Variants in FAT2 observed in about 807,000 individuals in gnomAD.
FAT2 encodes protocadherin Fat 2.
Under a neutral mutation model 295.3 loss-of-function variants are expected in FAT2, and 150 were observed. The observed-to-expected ratio is 0.51, with a 90% CI of 0.44 to 0.58. The LOEUF (loss-of-function observed/expected upper bound fraction) is 0.58, where lower values mean the gene tolerates loss of function less well. Ranked by LOEUF, FAT2 falls within the 20% of genes least tolerant of loss-of-function variation. The pLI is 0.00. For synonymous variants in FAT2, 2,026 were observed against 2,150.3 expected, an observed-to-expected ratio of 0.94 and a Z score of 1.60; for missense variants, 4,868 against 5,442.7, an observed-to-expected ratio of 0.89 and a Z score of 3.32.
chr5:151,538,648 A>G (rs1485052644), intron 11 of FAT2, among the ~76,000 whole-genome samples: 2 of 152,170 alleles, frequency 1.3e-5, no homozygotes, highest in South Asian at 2.1e-4. Flanking sequence ...ATGGACCCCT[A>G]CATGCCCTGG....
chr5:151,505,925 CA>C lies in FAT2; in HGVS notation c.12689del (p.Leu4230ArgfsTer22). On this transcript the variant is annotated frameshift_variant, in exon 24 of 24. Coordinates refer to ENST00000261800, the MANE Select transcript of FAT2 (RefSeq NM_001447.3). LOFTEE classifies it high-confidence loss of function. Reference protein sequence around the residue: ...NGLYGGFPFPLEMENKRAPLP... With the variant: ...NGLYGGFPFPXEMENKRAPLP... ...GAGGTGCCCGCTTGTTTTCCATCTC[CA>C]GGGGGAAGGGGAAGCCCCCATAGAG... The C allele has an allele frequency of 6.3e-7, 1 of 1,586,896 alleles. No homozygotes were observed. The highest frequency in any genetic ancestry group is 8.6e-7 in the Non-Finnish European group (1 of 1,168,758).
chr5:151,542,250 T>C (rs1756223948), intron 10 of FAT2, 35 bp downstream of exon 10: 2 of 1,535,934 alleles, frequency 1.3e-6, no homozygotes, highest in East Asian at 4.5e-5. Flanking sequence ...TTTCGATACA[T>C]TCCAGAGCCT....
At chr5:151,546,358 A>G (rs529279403) in intron 9 of FAT2, 21 bp from the exon 10 acceptor site, 1 of 1,591,926 alleles carries the variant, frequency 6.3e-7, no homozygotes, top group Admixed American at 1.7e-5. Flanking sequence ...AGACAAGACA[A>G]ACAAGTTTGC....
intron 11 of FAT2, among the ~76,000 whole-genome samples, chr5:151,539,665 C>T (rs1755898404): frequency 6.6e-6 from 1 of 152,278 alleles, no homozygotes; most frequent in Middle Eastern, 3.4e-3. Flanking sequence ...TATCTATAAA[C>T]TTTGAAAGAA....
chr5:151,558,018 T>C (rs1757851043), intron 3 of FAT2, among the ~76,000 whole-genome samples: 1 of 152,212 alleles, frequency 6.6e-6, no homozygotes, highest in African/African-American at 2.4e-5. Flanking sequence ...CCCAACCTTA[T>C]TTCAACCCCA....
chr5:151,517,753 C>G lies in FAT2; in HGVS notation c.11330G>C (p.Arg3777Thr). ...RSCSCNGTAT[R>T]FSGQSYVRYR... ...CCGCACATAGCTCTGACCACTGAAC[C>G]TTGTAGCAGTACCTGAGAAAGCAAC... Residue 3777 changes from arginine (R) to threonine (T), a missense_variant, in exon 20 of 24, where the codon AGG becomes ACG. Physicochemically the swap from Arg to Thr is moderately conservative, Grantham distance 71. Around this residue, in one of 5 missense-constraint regions of FAT2, gnomAD observed 1,046 missense variants for 1,210.1 expected, o/e 0.86. Transcript: ENST00000261800. 1 of 1,614,172 alleles carries G rather than the reference C, an allele frequency of 6.2e-7. No individual in the cohort carries two copies. Among genetic ancestry groups the G allele is most frequent in the Non-Finnish European group, 8.5e-7 (1 of 1,180,002 alleles).
rs767480643 is a variant in FAT2 at position 151,546,214 on chromosome 5, G to A, written c.4913C>T (p.Pro1638Leu). The change falls in exon 10 of 24, where the codon CCA becomes CTA. Residue 1638 changes from proline (P) to leucine (L), a missense_variant. Around this residue, in one of 5 missense-constraint regions of FAT2, gnomAD observed 3,297 missense variants for 3,669.4 expected, o/e 0.90. Coordinates refer to ENST00000261800, the MANE Select transcript of FAT2 (RefSeq NM_001447.3). Reference protein sequence around the residue: ...LTVKAEDQGSPQWHDLATVII... With the variant: ...LTVKAEDQGSLQWHDLATVII... ...CACTGTAGCCAGGTCATGCCATTGT[G>A]GGGAGCCTTGATCTTCTGCCTTCAC... is the stretch of plus-strand genomic sequence containing the variant. 8.0e-5 allele frequency: 129 copies of A among 1,614,132 alleles called. 1 individual carries two copies. In the South Asian group the frequency reaches 1.4e-3, roughly 17 times the overall value.
At position 151,522,049 on chromosome 5, in the gene FAT2, G is replaced by A. The variant is rs142141788; in HGVS notation, c.10544C>T (p.Thr3515Met). 556 of 1,605,008 alleles carry A rather than the reference G, an allele frequency of 3.5e-4. 1 individual carries two copies. Among genetic ancestry groups the A allele is most frequent in the Non-Finnish European group, 4.6e-4 (539 of 1,172,724 alleles). The part of the protein sequence containing the change: ...DSGIPPLSSL[T>M]SVRVHVTEQS... ...CTCTGTGACATGGACACGGACAGACGTCAAAGACGAGAGGGGAGGGATGCC... is the reference window on the plus strand; with the variant it reads ...CTCTGTGACATGGACACGGACAGACATCAAAGACGAGAGGGGAGGGATGCC... The change falls in exon 19 of 24, where the codon ACG becomes ATG. Residue 3515 changes from threonine to methionine, a missense_variant. Transcript: ENST00000261800.
chr5:151,536,529 G>A (rs1755309181), intron 12 of FAT2, among the ~76,000 whole-genome samples: 1 of 152,036 alleles, frequency 6.6e-6, no homozygotes, highest in Non-Finnish European at 1.5e-5. Flanking sequence ...CAGCAGGGCA[G>A]GAATCCCTCC....
At position 151,566,038 on chromosome 5, in the gene FAT2, A is replaced by T. The variant is rs571552008; in HGVS notation, c.2894T>A (p.Met965Lys). 1 of 1,614,138 alleles carries T rather than the reference A, an allele frequency of 6.2e-7. No individual in the cohort carries two copies. The highest frequency in any genetic ancestry group is 1.1e-5 in the South Asian group (1 of 91,078). ...GPAGEVRYVL[M>K]DGAHGTFRVD... The stretch of plus-strand genomic sequence containing the variant: ...CCGGAAGGTCCCATGGGCGCCATCC[A>T]TCAGAACATATCGCACTTCACCTGC... The change falls in exon 2 of 24, where the codon ATG (methionine) becomes AAG (lysine). Residue 965 changes from methionine to lysine, a missense_variant. Transcript: ENST00000261800.
At position 151,544,402 on chromosome 5, in the gene FAT2, G is replaced by A. The variant is rs748540789; in HGVS notation, c.6725C>T (p.Thr2242Ile). Residue 2242 changes from threonine to isoleucine, a missense_variant, in exon 10 of 24, where the codon ACA (threonine) becomes ATA (isoleucine). This residue lies in a region of FAT2 where 3,297 missense variants were observed against 3,669.4 expected (regional missense o/e 0.90). Coordinates refer to ENST00000261800, the MANE Select transcript of FAT2 (RefSeq NM_001447.3). ...DYESKTKHVF[T>I]VRATDTALGS... Reference sequence around the variant, plus strand: ...CAGAGCTGTATCCGTGGCTCTGACTGTGAACACATGTTTGGTCTTGGACTC... The same window carrying A: ...CAGAGCTGTATCCGTGGCTCTGACTATGAACACATGTTTGGTCTTGGACTC... The A allele has an allele frequency of 1.2e-6, 2 of 1,614,074 alleles. No homozygotes were observed. The highest frequency in any genetic ancestry group is 8.5e-7 in the Non-Finnish European group (1 of 1,180,044).
chr5:151,568,917 C>T lies in FAT2; in HGVS notation c.15G>A (p.Leu5=), dbSNP rs1758412167. Residue 5 remains leucine, a synonymous_variant, in exon 2 of 24, where the codon CTG becomes CTA. Transcript: ENST00000261800. ...GGAGCAAGAATATGGCAAAACCCAG[C>T]AGGGCAATAGTCATGGTGGAAAACT... MTIA[L]LGFAIFLLHC... is the part of the protein sequence containing the mutation. 6.2e-7 allele frequency: 1 copy of T among 1,609,058 alleles called. No homozygotes were observed.
rs767187622 is a variant in FAT2 at position 151,543,396 on chromosome 5, A to G, written c.7731T>C (p.Asp2577=). The change falls in exon 10 of 24, where the codon GAT becomes GAC. Residue 2577 remains aspartate (D), a synonymous_variant. Coordinates refer to ENST00000261800, the MANE Select transcript of FAT2 (RefSeq NM_001447.3). ...AFCTVKIILT[D]ENDNPPQFKA... is the part of the protein sequence containing the mutation. ...TGAACTGTGGGGGGTTGTCATTTTC[A>G]TCTGTGAGGATGATCTTCACCGTGC... is the stretch of plus-strand genomic sequence containing the variant. The G allele has an allele frequency of 2.5e-6, 4 of 1,613,974 alleles. No individual in the cohort carries two copies. Among genetic ancestry groups the G allele is most frequent in the South Asian group, 2.2e-5 (2 of 91,082 alleles).
chr5:151,550,785 G>A lies in FAT2; in HGVS notation c.4383C>T (p.Thr1461=), dbSNP rs150193268. The A allele has an allele frequency of 4.4e-5, 71 of 1,613,932 alleles. No homozygotes were observed. In the African/African-American group the frequency reaches 4.4e-4, roughly 10 times the overall value. ...TRYEVRVPQD[T]VPGVELLRVQ... ...CTCGCAGGAGCTCTACCCCTGGCAC[G>A]GTGTCCTGGGGAACTCTGACTTCAT... Residue 1461 remains threonine, a synonymous_variant, in exon 8 of 24, where the codon ACC becomes ACT. Coordinates refer to ENST00000261800, the MANE Select transcript of FAT2 (RefSeq NM_001447.3).
chr5:151,554,783 T>A, intron 4 of FAT2, 110 bp from the exon 5 acceptor site: 2 of 853,536 alleles, frequency 2.3e-6, no homozygotes, highest in East Asian at 5.2e-5. Flanking sequence ...GAGCTTGTAC[T>A]TTTTATTATC....
chr5:151,543,643 A>G lies in FAT2; in HGVS notation c.7484T>C (p.Met2495Thr), dbSNP rs373078568. 27 of 1,614,072 alleles carry G rather than the reference A, an allele frequency of 1.7e-5. No homozygotes were observed. The African/African-American group carries it at 2.7e-4, about 16-fold the overall frequency. ...CAAATCAATCACCTTGGTTCCAACC[A>G]TTGCATTCTCTGCTAATTCTGCCTC... ...LYEAELAENA[M>T]VGTKVIDLLA... The change falls in exon 10 of 24, where the codon ATG (methionine) becomes ACG (threonine). Residue 2495 changes from methionine to threonine, a missense_variant. Physicochemically the swap from Met to Thr is moderately conservative, Grantham distance 81. Coordinates refer to ENST00000261800, the MANE Select transcript of FAT2 (RefSeq NM_001447.3).
chr5:151,534,938 T>A (rs1471444434), intron 12 of FAT2, among the ~76,000 whole-genome samples: 1 of 144,872 alleles, frequency 6.9e-6, no homozygotes, highest in Non-Finnish European at 1.5e-5. Flanking sequence ...AAAATGCATT[T>A]ATCCTTTGGT....
rs776442798 is a variant in FAT2, at chr5:151,507,462, C to A, written c.12209G>T (p.Cys4070Phe). 1 of 1,614,134 alleles carries A rather than the reference C, an allele frequency of 6.2e-7. No homozygotes were observed. Among genetic ancestry groups the A allele is most frequent in the Non-Finnish European group, 8.5e-7 (1 of 1,180,026 alleles). Reference protein sequence around the residue: ...IISTVGLLFYCRRCKSHKPVA... With the variant: ...IISTVGLLFYFRRCKSHKPVA... ...AGGCTTGTGAGACTTGCAACGGCGGCAGTAGAAGAGAAGCCCGACAGTGCT... is the reference window on the plus strand; with the variant it reads ...AGGCTTGTGAGACTTGCAACGGCGGAAGTAGAAGAGAAGCCCGACAGTGCT... The change falls in exon 23 of 24, where the codon TGC becomes TTC. Residue 4070 changes from cysteine to phenylalanine, a missense_variant. Coordinates refer to ENST00000261800, the MANE Select transcript of FAT2 (RefSeq NM_001447.3).
At position 151,544,681 on chromosome 5, in the gene FAT2, C is replaced by T. The variant is rs1396775105; in HGVS notation, c.6446G>A (p.Gly2149Glu). The change falls in exon 10 of 24, where the codon GGA (glycine) becomes GAA (glutamate). Residue 2149 changes from glycine to glutamate, a missense_variant. Coordinates refer to ENST00000261800, the MANE Select transcript of FAT2 (RefSeq NM_001447.3). ...TTCCTCACTCTGGAGGGATGGCGTT[C>T]CTCCATCCCGAGCAATGACTTTGAG... ...YHLKVIARDG[G>E]TPSLQSEEEV... The T allele has an allele frequency of 6.2e-7, 1 of 1,614,006 alleles. No individual in the cohort carries two copies. Among genetic ancestry groups the T allele is most frequent in the Non-Finnish European group, 8.5e-7 (1 of 1,179,874 alleles).
Sources: allele counts gnomAD v4.1 joint callset (sites outside exome capture counted in the v4.1 genomes callset), GRCh38; gene constraint gnomAD v4.1.1; regional missense constraint gnomAD v4.1.1; transcripts MANE v1.5; gene names NCBI Gene and HGNC (gene_info 2026-07-23, HGNC 2026-07-21).